RTTN: variants seen among roughly 807,000 people sequenced by gnomAD.
RTTN encodes the protein rotatin.
In RTTN, 182 loss-of-function variants were observed where a neutral mutation model predicts 269.2. The observed-to-expected ratio is 0.68, with a 90% confidence interval of 0.60 to 0.76. RTTN has a LOEUF of 0.76. RTTN is among the 30% of genes least tolerant of loss of function. RTTN has a pLI of 0.00. For missense variants in RTTN, 2,545 were observed against 2,608.6 expected (o/e 0.98, Z 0.53); for synonymous variants, 1,006 against 963.5 (o/e 1.04, Z -0.82).
rs753358465 is a variant in RTTN, at chr18:70,150,591, CAT to C, written c.2055+15_2055+16del. Reference sequence around the variant, plus strand: ...TCTAAGTTACTGTAATATTTTCACTCATGTTTAATGTCATACCTCACTTTCGG... The same window carrying C: ...TCTAAGTTACTGTAATATTTTCACTCGTTTAATGTCATACCTCACTTTCGG... On this transcript the variant is annotated intron_variant, in intron 15 of 48. Transcript: ENST00000640769. 6.2e-7 allele frequency: 1 copy of C among 1,608,984 alleles called. No homozygotes were observed. Among genetic ancestry groups the C allele is most frequent in the Non-Finnish European group, 8.5e-7 (1 of 1,176,134 alleles).
chr18:70,139,529 C>A, intron 21 of RTTN, 70 bp downstream of exon 21: 1 of 934,192 alleles, frequency 1.1e-6, no homozygotes, highest in Admixed American at 2.0e-5. Flanking sequence ...GTAAATGTGA[C>A]TTACAATTAA....
chr18:70,033,618 A>C (rs546163728), intron 40 of RTTN, among the ~76,000 whole-genome samples: 1 of 152,330 alleles, frequency 6.6e-6, no homozygotes, highest in Admixed American at 6.5e-5. Flanking sequence ...CATATTGAAA[A>C]GTTAGGAAGA....
intron 26 of RTTN, among the ~76,000 whole-genome samples, chr18:70,117,305 T>C (rs2059626266): frequency 6.6e-6 from 1 of 152,128 alleles, no homozygotes; most frequent in Non-Finnish European, 1.5e-5. Context: ...TCTCACTTAT[T>C]TTACTCACTT....
At chr18:70,012,468 C>G (rs2056413925) in intron 46 of RTTN, among the ~76,000 whole-genome samples, 1 of 148,278 alleles carries the variant, frequency 6.7e-6, no homozygotes, top group Non-Finnish European at 1.5e-5. Flanking sequence ...AGCATCTGCT[C>G]ACTGGTATTG....
At chr18:70,105,876 A>G (rs1038874276) in intron 28 of RTTN, among the ~76,000 whole-genome samples, 19 of 152,152 alleles carry the variant, frequency 1.2e-4, no homozygotes, top group African/African-American at 4.3e-4. Flanking sequence ...TTCAAACTGT[A>G]TCTTAATTTA....
rs754175255 is a variant in RTTN, at chr18:70,121,540, C to A, written c.3528+16G>T. On this transcript the variant is annotated intron_variant, in intron 26 of 48. Coordinates refer to ENST00000640769, the MANE Select transcript of RTTN (RefSeq NM_173630.4). ...ATTTCCCAAACTTAAAATCCAAATT[C>A]CTTAACACCACTTACATGTCTAAGA... is the stretch of plus-strand genomic sequence containing the variant. The A allele has an allele frequency of 2.6e-6, 4 of 1,539,612 alleles. No homozygotes were observed. The South Asian group carries it at 5.1e-5, about 20-fold the overall frequency.
intron 32 of RTTN, among the ~76,000 whole-genome samples, chr18:70,084,968 C>T (rs939267799): frequency 2.9e-4 from 44 of 152,154 alleles, no homozygotes; most frequent in Admixed American, 1.9e-3. Flanking sequence ...CAGCTACATA[C>T]GGTTCTGTAT....
intron 46 of RTTN, chr18:70,008,451 A>T (rs1416580265): frequency 6.6e-6 from 1 of 151,896 alleles, no homozygotes; most frequent in Non-Finnish European, 1.5e-5. Context: ...GTAATAACAA[A>T]CTCCTCCAAG....
At position 70,048,166 on chromosome 18, in the gene RTTN, G is replaced by T. The variant is rs1305918439; in HGVS notation, c.5346C>A (p.Gly1782=). The change falls in exon 40 of 49, where the codon GGC becomes GGA. Residue 1782 remains glycine, a synonymous_variant. Coordinates refer to ENST00000640769, the MANE Select transcript of RTTN (RefSeq NM_173630.4). ...ACAGGGCAGGACACGTGGCAGACAA[G>T]CCTGCACATGTGCAGAACATATCTA... is the stretch of plus-strand genomic sequence containing the variant. ...AAIDMFCTCA[G]LSATCPALYT... 7 of 1,614,004 alleles carry T rather than the reference G, an allele frequency of 4.3e-6. No individual in the cohort carries two copies.
chr18:70,071,798 G>C (rs1056928318), intron 34 of RTTN, among the ~76,000 whole-genome samples: 1 of 152,148 alleles, frequency 6.6e-6, no homozygotes, highest in African/African-American at 2.4e-5. Context: ...TAACCCAGGA[G>C]AGCATGCTGG....
intron 43 of RTTN, 86 bp from the exon 44 acceptor site, chr18:70,024,934 AC>A: frequency 6.9e-7 from 1 of 1,458,722 alleles, no homozygotes; most frequent in Non-Finnish European, 9.3e-7. Flanking sequence ...AAAGCCATCA[AC>A]ATAAGACCCA....
In RTTN at chr18:70,177,269, T is replaced by C. The variant is rs115233250; in HGVS notation, c.1306-424A>G. ...CAGGCATAATGAAAGAACAATGCAT[T>C]AGTACAAGAGACATGATGATCTCTG... On this transcript the variant is annotated intron_variant, in intron 10 of 48. Coordinates refer to ENST00000640769, the MANE Select transcript of RTTN (RefSeq NM_173630.4). Among the ~76,000 whole-genome samples the C allele has an allele frequency of 2.4e-3, 364 of 152,272 alleles. 1 individual carries two copies. The highest frequency in any genetic ancestry group is 8.4e-3 in the African/African-American group (350 of 41,556).
chr18:70,139,747 T>C (rs2060211271), intron 20 of RTTN, 31 bp from the exon 21 acceptor site: 1 of 1,299,490 alleles, frequency 7.7e-7, no homozygotes, highest in African/African-American at 1.5e-5. Flanking sequence ...CAGCTTTTCA[T>C]TTTCACCAAT....
At chr18:70,188,448 A>T (rs1477486013) in intron 9 of RTTN, among the ~76,000 whole-genome samples, 1 of 152,226 alleles carries the variant, frequency 6.6e-6, no homozygotes, top group Non-Finnish European at 1.5e-5. Context: ...ATACATTTAT[A>T]ATTGGAAAAG....
intron 25 of RTTN, 68 bp downstream of exon 25, chr18:70,127,434 G>A (rs1227314245): frequency 6.4e-7 from 1 of 1,551,452 alleles, no homozygotes; most frequent in African/African-American, 1.4e-5. Context: ...ATCTTCAAAG[G>A]TTAGGAGATG....
In RTTN at chr18:70,150,668, T is replaced by C; in HGVS notation, c.1995A>G (p.Leu665=). 13 of 1,611,742 alleles carry C rather than the reference T, an allele frequency of 8.1e-6. No individual in the cohort carries two copies. The highest frequency in any genetic ancestry group is 1.3e-5 in the African/African-American group (1 of 74,976). ...VSSLCNGIHF[L]LHPKVLYEIS... Reference sequence around the variant, plus strand: ...TTTCATACAGAACTTTTGGATGAAGTAGAAAATGAATTCCATTGCAAAGTG... The same window carrying C: ...TTTCATACAGAACTTTTGGATGAAGCAGAAAATGAATTCCATTGCAAAGTG... The change falls in exon 15 of 49, where the codon CTA becomes CTG. Residue 665 remains leucine (L), a synonymous_variant. Coordinates refer to ENST00000640769, the MANE Select transcript of RTTN (RefSeq NM_173630.4).
In RTTN at chr18:70,167,336, G is replaced by A. The variant is rs141377528; in HGVS notation, c.1690-305C>T. Among the ~76,000 whole-genome samples the A allele has an allele frequency of 8.2e-3, 1,246 of 152,268 alleles. 21 individuals are homozygous for A. The highest frequency in any genetic ancestry group is 0.028 in the African/African-American group (1,160 of 41,546). ...TGTAGCTCTACCTCCCCTAATAAAA[G>A]TAGGGCTAATGTATTTATTTTATTA... On this transcript the variant is annotated intron_variant, in intron 12 of 48. Coordinates refer to ENST00000640769, the MANE Select transcript of RTTN (RefSeq NM_173630.4).
rs202141467 is a variant in RTTN, at chr18:70,092,779, C to T, written c.3929G>A (p.Arg1310His). Residue 1310 changes from arginine to histidine, a missense_variant, in exon 29 of 49, where the codon CGT (arginine) becomes CAT (histidine). Transcript: ENST00000640769. Reference protein sequence around the residue: ...LEVITSFYVERGGNAMSFMGK... With the variant: ...LEVITSFYVEHGGNAMSFMGK... ...CATGAAGGACATAGCATTTCCTCCACGCTCCACATAAAAAGAAGTAATGAC... is the reference window on the plus strand; with the variant it reads ...CATGAAGGACATAGCATTTCCTCCATGCTCCACATAAAAAGAAGTAATGAC... 232 of 1,609,568 alleles carry T rather than the reference C, an allele frequency of 1.4e-4. No homozygotes were observed. The highest frequency in any genetic ancestry group is 1.7e-4 in the Non-Finnish European group (198 of 1,176,932).
Position 70,145,690 on chromosome 18 carries a change from G to A in RTTN, c.2403C>T (p.Leu801=), listed in dbSNP as rs779192085. The A allele has an allele frequency of 2.5e-6, 4 of 1,613,380 alleles. No homozygotes were observed. The South Asian group carries it at 4.4e-5, about 18-fold the overall frequency. Residue 801 remains leucine, a synonymous_variant, in exon 18 of 49, where the codon CTC becomes CTT. Transcript: ENST00000640769. ...CAATGAATAAATCAGTAACTCTGGA[G>A]AGAACTCTGGCGTCTATTAGAGGAC... ...TKRPLIDARV[L]SRVTDLFIGK...
Sources: allele counts gnomAD v4.1 joint callset (sites outside exome capture counted in the v4.1 genomes callset), GRCh38; gene constraint gnomAD v4.1.1; transcripts MANE v1.5; gene names NCBI Gene and HGNC (gene_info 2026-07-23, HGNC 2026-07-21).